The following RAPGEF6 variants were observed in gnomAD, a reference collection of about 807,000 sequenced individuals.
The protein encoded by RAPGEF6 is Rap guanine nucleotide exchange factor 6.
A neutral mutation model predicts 171.4 loss-of-function variants in RAPGEF6; 56 were observed. The observed-to-expected ratio is 0.33, with a 90% confidence interval of 0.26 to 0.41. The LOEUF (loss-of-function observed/expected upper bound fraction) is 0.41, where lower values mean the gene tolerates loss of function less well. Ranked by LOEUF, RAPGEF6 falls within the 10% of genes least tolerant of loss-of-function variation. The pLI is 1.00. For synonymous variants in RAPGEF6, 692 were observed against 650.1 expected (o/e 1.06, Z -0.98); for missense variants, 1,674 against 1,921.4 (o/e 0.87, Z 2.41).
Position 131,500,837 on chromosome 5 carries a change from C to G in RAPGEF6, c.1255-2230G>C, listed in dbSNP as rs990123758. On this transcript the variant is annotated intron_variant, in intron 11 of 27. Coordinates refer to ENST00000509018, the MANE Select transcript of RAPGEF6 (RefSeq NM_016340.6). ...AAGTATATATTAGTATCTCCCAGAT[C>G]TCACACAGGGCCTGGCATAGAGTAC... Among the ~76,000 whole-genome samples, 3 of 152,258 alleles carry G rather than the reference C, an allele frequency of 2.0e-5. No homozygotes were observed. In the Middle Eastern group the frequency reaches 0.01, roughly 518 times the overall value.
intron 26 of RAPGEF6, among the ~76,000 whole-genome samples, chr5:131,429,899 A>C (rs1751594165): frequency 6.6e-6 from 1 of 152,024 alleles, no homozygotes; most frequent in Admixed American, 6.6e-5. Flanking sequence ...AAAATAAAAA[A>C]ATTAGCTGGG....
Position 131,479,763 on chromosome 5 carries a change from T to C in RAPGEF6, c.1841-10A>G. ...AGTAACTCTTTGAACACTGTGGAAA[T>C]AAAACAAATGCGTCATTTTATTTCT... On this transcript the variant is annotated splice_polypyrimidine_tract_variant and intron_variant, in intron 15 of 27. Transcript: ENST00000509018. 2 of 1,603,666 alleles carry C rather than the reference T, an allele frequency of 1.2e-6. No homozygotes were observed. The highest frequency in any genetic ancestry group is 1.7e-6 in the Non-Finnish European group (2 of 1,175,458).
At chr5:131,633,638 G>C (rs1766452477) in intron 1 of RAPGEF6, among the ~76,000 whole-genome samples, 1 of 151,710 alleles carries the variant, frequency 6.6e-6, no homozygotes, top group Admixed American at 6.6e-5. Flanking sequence ...GGCTGAGGCA[G>C]AAAAATCGCT....
Position 131,464,056 on chromosome 5 carries a change from A to G in RAPGEF6, c.2465T>C (p.Ile822Thr), listed in dbSNP as rs1162945706. ...GCTTATTCACCTTCCATTGAGTTGA[A>G]TTCTATCAGCTAATTTGGAGAACTG... is the stretch of plus-strand genomic sequence containing the variant. ...PDQFSKLADR[I>T]QLNGRYYLKN... Residue 822 changes from isoleucine to threonine, a missense_variant, in exon 18 of 28, where the codon ATT becomes ACT. Around this residue, in one of 3 missense-constraint regions of RAPGEF6, gnomAD observed 1,116 missense variants for 1,321.5 expected, o/e 0.84. Transcript: ENST00000509018. 1.3e-6 allele frequency: 2 copies of G among 1,599,426 alleles called. No individual in the cohort carries two copies.
intron 6 of RAPGEF6, among the ~76,000 whole-genome samples, chr5:131,539,018 A>G (rs1033860182): frequency 6.6e-6 from 1 of 152,244 alleles, no homozygotes; most frequent in Admixed American, 6.5e-5. Context: ...AAAGAATCAC[A>G]AAGAATATAC....
At chr5:131,546,713 T>C (rs948752361) in intron 6 of RAPGEF6, among the ~76,000 whole-genome samples, 1 of 152,174 alleles carries the variant, frequency 6.6e-6, no homozygotes, top group Non-Finnish European at 1.5e-5. Context: ...TGTGCAGTCA[T>C]TAGGAATAAT....
chr5:131,607,578 A>T lies in RAPGEF6; in HGVS notation c.70-2885T>A, dbSNP rs142969039. Among the ~76,000 whole-genome samples, 40 of 152,316 alleles carry T rather than the reference A, an allele frequency of 2.6e-4. No individual in the cohort carries two copies. In the East Asian group the frequency reaches 3.3e-3, roughly 12 times the overall value. ...TTCCGCTCTCTGTCATAACACAGTC[A>T]GTGGGGGTTGGGTGGGGGACAGACA... is the stretch of plus-strand genomic sequence containing the variant. On this transcript the variant is annotated intron_variant, in intron 1 of 27. Transcript: ENST00000509018.
At chr5:131,575,448 G>T (rs183550984) in intron 4 of RAPGEF6, among the ~76,000 whole-genome samples, 5 of 152,056 alleles carry the variant, frequency 3.3e-5, no homozygotes, top group African/African-American at 1.2e-4. Flanking sequence ...TTCCCCATCC[G>T]TTACCGATCT....
At chr5:131,534,041 A>G (rs1479927480) in intron 6 of RAPGEF6, among the ~76,000 whole-genome samples, 1 of 152,122 alleles carries the variant, frequency 6.6e-6, no homozygotes, top group Non-Finnish European at 1.5e-5. Flanking sequence ...ACAGTTCCCA[A>G]TAGTAAAATA....
intron 27 of RAPGEF6, among the ~76,000 whole-genome samples, chr5:131,427,715 T>C (rs1005082943): frequency 2.0e-5 from 3 of 152,156 alleles, no homozygotes; most frequent in African/African-American, 7.2e-5. Context: ...AGTATCCCAT[T>C]AGATTGAGCC....
At chr5:131,451,475 G>A (rs985543579) in intron 21 of RAPGEF6, among the ~76,000 whole-genome samples, 2 of 151,916 alleles carry the variant, frequency 1.3e-5, no homozygotes, top group Non-Finnish European at 2.9e-5. Context: ...TGTAGCCCCA[G>A]TTACTTGGGA....
chr5:131,585,277 A>AG (rs1234911530), intron 4 of RAPGEF6, among the ~76,000 whole-genome samples: 3 of 147,188 alleles, frequency 2.0e-5, no homozygotes, highest in Admixed American at 7.0e-5. Flanking sequence ...GAAAATAAGA[A>AG]AAAAAAAAAA....
intron 4 of RAPGEF6, 101 bp from the exon 5 acceptor site, chr5:131,562,148 T>C (rs1172941647): frequency 2.7e-6 from 2 of 743,614 alleles, no homozygotes; most frequent in Non-Finnish European, 2.1e-6. Flanking sequence ...CCTGAGATAT[T>C]ATCCAAGAAA....
chr5:131,429,120 TC>T lies in RAPGEF6; in HGVS notation c.4561del (p.Glu1521LysfsTer7). The T allele has an allele frequency of 6.2e-7, 1 of 1,614,052 alleles. No individual in the cohort carries two copies. Among genetic ancestry groups the T allele is most frequent in the Non-Finnish European group, 8.5e-7 (1 of 1,179,962 alleles). ...AGGTTTTAGGTGTGTGTGGGGTCCT[TC>T]CTTTAGGTCCGCTAAAGAAATCCCC... ...YLGISLADLK[E>X]GPHTHLKPPD... On this transcript the variant is annotated frameshift_variant, in exon 27 of 28. Transcript: ENST00000509018. LOFTEE classifies it high-confidence loss of function.
At chr5:131,495,738 A>G (rs1439946494) in intron 12 of RAPGEF6, 78 bp from the exon 13 acceptor site, 2 of 1,507,752 alleles carry the variant, frequency 1.3e-6, no homozygotes, top group Non-Finnish European at 8.9e-7. Context: ...AAGCATGTCT[A>G]AAACTCATGA....
chr5:131,483,550 CAAAAGT>C (rs1440946435), intron 15 of RAPGEF6, among the ~76,000 whole-genome samples: 27 of 151,980 alleles, frequency 1.8e-4, no homozygotes, highest in African/African-American at 5.3e-4. Flanking sequence ...GTACATGAAT[CAAAAGT>C]AAAAGTGCCA....
chr5:131,448,101 C>A (rs1032748909), intron 21 of RAPGEF6, among the ~76,000 whole-genome samples: 1 of 152,122 alleles, frequency 6.6e-6, no homozygotes, highest in Admixed American at 6.6e-5. Context: ...AGCCCAGCAC[C>A]AGCAGCTTTT....
chr5:131,562,965 T>C (rs747886776), intron 4 of RAPGEF6, among the ~76,000 whole-genome samples: 1 of 152,070 alleles, frequency 6.6e-6, no homozygotes, highest in Non-Finnish European at 1.5e-5. Context: ...TTTTATATTC[T>C]TGGTCTCAGA....
intron 21 of RAPGEF6, chr5:131,446,993 C>G (rs1752763016): frequency 3.4e-6 from 1 of 292,858 alleles, no homozygotes; most frequent in African/African-American, 2.2e-5. Flanking sequence ...ACAACAGTAA[C>G]AAGAAAAAGC....
Sources: gnomAD v4.1 joint callset for allele counts (sites outside exome capture counted in the v4.1 genomes callset) on GRCh38, gnomAD v4.1.1 for gene constraint, gnomAD v4.1.1 regional missense constraint, MANE v1.5 for transcripts, NCBI Gene and HGNC (gene_info 2026-07-23, HGNC 2026-07-21) for gene names.